Variants in HIBCH observed in about 807,000 individuals in gnomAD.
The protein encoded by HIBCH is 3-hydroxyisobutyryl-CoA hydrolase, also known as 3-hydroxyisobutyryl-CoA hydrolase, mitochondrial.
A neutral mutation model predicts 58.2 loss-of-function variants in HIBCH; 50 were observed. The observed-to-expected ratio is 0.86, with a 90% CI of 0.68 to 1.09. HIBCH has a LOEUF of 1.09. Ranked by LOEUF, HIBCH falls within the 50% of genes least tolerant of loss-of-function variation. The pLI is 0.00. For missense variants in HIBCH, 450 were observed against 449.7 expected, an observed-to-expected ratio of 1.00 and a Z score of -0.01; for synonymous variants, 151 against 146.9, an observed-to-expected ratio of 1.03 and a Z score of -0.20.
At chr2:190,319,649 G>C in intron 1 of HIBCH, 67 bp downstream of exon 1, 1 of 1,357,972 alleles carries the variant, frequency 7.4e-7, no homozygotes. Context: ...CTCCACCCCC[G>C]GCCCTTTTCC....
At chr2:190,199,602 G>GGAAGAAATC, downstream of HIBCH, 1 of 627,972 alleles carries the variant, frequency 1.6e-6, no homozygotes, top group Non-Finnish European at 2.3e-6. Context: ...TTTCTTCCAT[G>GGAAGAAATC]TGACCAAAGT....
Position 190,310,776 on chromosome 2 carries a change from GT to G in HIBCH, c.55del (p.Thr19LeufsTer8). On this transcript the variant is annotated frameshift_variant, in exon 2 of 14. Coordinates refer to ENST00000359678, the MANE Select transcript of HIBCH (RefSeq NM_014362.4). LOFTEE classifies it high-confidence loss of function. ...LMSRFNAFKR[T>X]NTILHHLRMS... ...TACCAAATGGTGCAGTATGGTATTA[GT>G]CCTTTTGAATGCATTAAACCTGAAA... is the stretch of plus-strand genomic sequence containing the variant. 1 of 1,610,138 alleles carries G rather than the reference GT, an allele frequency of 6.2e-7. No individual in the cohort carries two copies. Among genetic ancestry groups the G allele is most frequent in the South Asian group, 1.1e-5 (1 of 90,992 alleles).
chr2:190,238,208 T>C (rs917610002), intron 11 of HIBCH, among the ~76,000 whole-genome samples: 1 of 152,120 alleles, frequency 6.6e-6, no homozygotes, highest in African/African-American at 2.4e-5. Flanking sequence ...TGCTGGGTCA[T>C]ATGGTATTTC....
At chr2:190,223,508 A>G (rs1685792357) in intron 11 of HIBCH, among the ~76,000 whole-genome samples, 1 of 152,238 alleles carries the variant, frequency 6.6e-6, no homozygotes, top group African/African-American at 2.4e-5. Flanking sequence ...AGAAAAACAG[A>G]GTCAAGGAAA....
At chr2:190,314,320 TGTATATATGTATATATAC>T (rs1688643564) in intron 1 of HIBCH, among the ~76,000 whole-genome samples, 2 of 109,834 alleles carry the variant, frequency 1.8e-5, no homozygotes, top group Non-Finnish European at 3.7e-5. Context: ...TGTATATATA[TGTATATATGTATATATAC>T]ATATATATGT....
Position 190,243,830 on chromosome 2 carries a change from C to T in HIBCH, c.891+1057G>A, listed in dbSNP as rs1237130092. ...AAAAAAATACAAAAAATTAGCCACC[C>T]GTGGTGGCACACGCCCGTAGTCCCA... On this transcript the variant is annotated intron_variant, in intron 11 of 13. Transcript: ENST00000359678. The surrounding 1 kb of genome is among the most constrained non-coding windows in gnomAD (Gnocchi z 4.1). Among the ~76,000 whole-genome samples, 1 of 151,966 alleles carries T rather than the reference C, an allele frequency of 6.6e-6. No homozygotes were observed. Among genetic ancestry groups the T allele is most frequent in the Non-Finnish European group, 1.5e-5 (1 of 67,994 alleles).
chr2:190,242,621 T>C (rs1686484181), intron 11 of HIBCH, among the ~76,000 whole-genome samples: 1 of 152,110 alleles, frequency 6.6e-6, no homozygotes, highest in Non-Finnish European at 1.5e-5. Flanking sequence ...GGTGTCCTTT[T>C]TGTTGACATG....
Position 190,246,179 on chromosome 2 carries a change from C to G in HIBCH, c.784G>C (p.Glu262Gln). 6.3e-7 allele frequency: 1 copy of G among 1,593,248 alleles called. No individual in the cohort carries two copies. Among genetic ancestry groups the G allele is most frequent in the Non-Finnish European group, 8.6e-7 (1 of 1,162,036 alleles). ...CTGTTTATTTTGTCCATGTGTTCCT[C>G]AAGTATAAAAGACTTGTCTCGATCA... ...KIDRDKSFIL[E>Q]EHMDKINSCF... Residue 262 changes from glutamate to glutamine, a missense_variant, in exon 10 of 14, where the codon GAG (glutamate) becomes CAG (glutamine). Physicochemically the swap from Glu to Gln is conservative, Grantham distance 29. Transcript: ENST00000359678.
rs1276058656 is a variant in HIBCH, at chr2:190,254,442, TCTA to T, written c.518-2138_518-2136del. Among the ~76,000 whole-genome samples, 4 of 152,174 alleles carry T rather than the reference TCTA, an allele frequency of 2.6e-5. No homozygotes were observed. Among genetic ancestry groups the T allele is most frequent in the Non-Finnish European group, 5.9e-5 (4 of 68,030 alleles). Reference sequence around the variant, plus strand: ...CTCCAGAACTGTGAGAAAAAAAATTTCTACTGTTTAAGCAACCAAGTTTGTGGT... The same window carrying T: ...CTCCAGAACTGTGAGAAAAAAAATTTCTGTTTAAGCAACCAAGTTTGTGGT... On this transcript the variant is annotated intron_variant, in intron 7 of 13. Transcript: ENST00000359678. This position sits in a 1 kb window ranked among gnomAD's most constrained non-coding sequence, Gnocchi z 5.0.
intron 7 of HIBCH, among the ~76,000 whole-genome samples, chr2:190,252,843 A>G (rs1686812888): frequency 6.6e-6 from 1 of 152,244 alleles, no homozygotes; most frequent in South Asian, 2.1e-4. Flanking sequence ...ATTTGCATTT[A>G]CCCTTTTCTT....
Position 190,240,704 on chromosome 2 carries a change from A to G in HIBCH, c.891+4183T>C, listed in dbSNP as rs7593441. Among the ~76,000 whole-genome samples, 912 of 152,242 alleles carry G rather than the reference A, an allele frequency of 6.0e-3. 5 individuals carry two copies. Among genetic ancestry groups the G allele is most frequent in the African/African-American group, 0.021 (864 of 41,532 alleles). On this transcript the variant is annotated intron_variant, in intron 11 of 13. Transcript: ENST00000359678. ...TTGTGTCTTTGTTCTCATTGGTTTC[A>G]AATAACTTATTTCTGCCTTAATTTC...
At chr2:190,291,684 C>T (rs1465155108) in intron 4 of HIBCH, among the ~76,000 whole-genome samples, 1 of 152,182 alleles carries the variant, frequency 6.6e-6, no homozygotes, top group Non-Finnish European at 1.5e-5. Context: ...AACAAATGCT[C>T]AGTAAATATC....
chr2:190,190,971 C>T (rs1689682849), intron 1 of HIBCH, among the ~76,000 whole-genome samples: 1 of 152,120 alleles, frequency 6.6e-6, no homozygotes. Context: ...AATCTATCAT[C>T]TGTCCCTATA....
At chr2:190,228,407 G>T (rs1486952646) in intron 11 of HIBCH, among the ~76,000 whole-genome samples, 2 of 130,284 alleles carry the variant, frequency 1.5e-5, no homozygotes, top group African/African-American at 5.6e-5. Flanking sequence ...GTTGTGGGGT[G>T]GGGGGAGGGG....
In HIBCH at chr2:190,236,195, C is replaced by T. The variant is rs1686268734; in HGVS notation, c.891+8692G>A. ...CAATATTGCCACTGAAGATCTGGAG[C>T]TGTGTTGTGTTGTTGTAAGGCTTAA... On this transcript the variant is annotated intron_variant, in intron 11 of 13. Coordinates refer to ENST00000359678, the MANE Select transcript of HIBCH (RefSeq NM_014362.4). This position sits in a 1 kb window ranked among gnomAD's most constrained non-coding sequence, Gnocchi z 4.1. Among the ~76,000 whole-genome samples the T allele has an allele frequency of 1.3e-5, 2 of 152,088 alleles. 1 individual carries two copies. The highest frequency in any genetic ancestry group is 4.2e-4 in the South Asian group (2 of 4,816).
chr2:190,309,542 C>A (rs1269946813), intron 2 of HIBCH, among the ~76,000 whole-genome samples: 1 of 151,920 alleles, frequency 6.6e-6, no homozygotes, highest in Non-Finnish European at 1.5e-5. Context: ...CTGTCATATG[C>A]CATGCACTAT....
rs117816318 is a variant in HIBCH, at chr2:190,190,688, G to A, written c.*18-691C>T. Among the ~76,000 whole-genome samples, 134 of 152,312 alleles carry A rather than the reference G, an allele frequency of 8.8e-4. 2 individuals are homozygous for A. The East Asian group carries it at 0.021, about 24-fold the overall frequency. On this transcript the variant is annotated intron_variant, in intron 1 of 1. Transcript: ENST00000399855. ...CCTTCCAGCAATATATGCGTTGCAT[G>A]TCCTCACCAACACTAAGCACTGGGG... is the stretch of plus-strand genomic sequence containing the variant.
intron 5 of HIBCH, among the ~76,000 whole-genome samples, chr2:190,288,423 T>C (rs1486836948): frequency 6.6e-6 from 1 of 151,072 alleles, no homozygotes; most frequent in Non-Finnish European, 1.5e-5. Context: ...ATAAACACTA[T>C]GATCTATCCA....
chr2:190,246,456 A>G (rs1375973049), intron 9 of HIBCH, among the ~76,000 whole-genome samples: 1 of 152,214 alleles, frequency 6.6e-6, no homozygotes, highest in Non-Finnish European at 1.5e-5. Flanking sequence ...ATGTATAAAT[A>G]TATGTAACCA....
Sources: allele counts gnomAD v4.1 joint callset (sites outside exome capture counted in the v4.1 genomes callset), GRCh38; gene constraint gnomAD v4.1.1; non-coding constraint Gnocchi (gnomAD v3.1); transcripts MANE v1.5; gene names NCBI Gene and HGNC (gene_info 2026-07-23, HGNC 2026-07-21).